Variants in MYOM2 observed in about 807,000 individuals in gnomAD.
MYOM2 encodes myomesin 2.
In MYOM2, 254 loss-of-function variants were observed where a neutral mutation model predicts 187.6. That is an observed-to-expected ratio of 1.35 (90% CI 1.22 to 1.50). MYOM2 has a LOEUF of 1.50. Ranked by LOEUF, MYOM2 falls within the 40% of genes most tolerant of loss-of-function variation. MYOM2 has a pLI of 0.00. For synonymous variants in MYOM2, 981 were observed against 753.8 expected, an observed-to-expected ratio of 1.30 and a Z score of -4.94; for missense variants, 2,796 against 1,924.0, an observed-to-expected ratio of 1.45 and a Z score of -8.48.
intron 21 of MYOM2, among the ~76,000 whole-genome samples, chr8:2,105,913 C>T (rs35878957): frequency 0.059 from 8,910 of 152,224 alleles, 348 homozygotes; most frequent in East Asian, 0.2. Context: ...GACTGACAGT[C>T]CTTCGTGGCT....
chr8:2,085,118 G>C, intron 13 of MYOM2, 145 bp from the exon 14 acceptor site: 1 of 901,472 alleles, frequency 1.1e-6, no homozygotes, highest in Admixed American at 2.8e-5. Context: ...TTCCAAGGAA[G>C]CATCTTTGGG....
At chr8:2,113,160 T>G (rs1008087315) in intron 25 of MYOM2, among the ~76,000 whole-genome samples, 2 of 152,212 alleles carry the variant, frequency 1.3e-5, no homozygotes, top group African/African-American at 4.8e-5. Flanking sequence ...CACACTCCCG[T>G]GATTCTACGG....
rs138478576 is a variant in MYOM2, at chr8:2,096,808, A to G, written c.2313+374A>G. On this transcript the variant is annotated intron_variant, in intron 18 of 36. Transcript: ENST00000262113. ...GGAGGGTCACGCTGAATGTCTGTTT[A>G]GGAAGAGAGTAATGTTGGCTCTCTG... Among the ~76,000 whole-genome samples the G allele has an allele frequency of 5.8e-4, 88 of 152,264 alleles. 1 individual carries two copies. The East Asian group carries it at 0.016, about 28-fold the overall frequency.
intron 1 of MYOM2, among the ~76,000 whole-genome samples, chr8:2,046,744 CTTTTTTCTTTTT>C (rs1013206176): frequency 3.3e-5 from 3 of 90,174 alleles, no homozygotes; most frequent in African/African-American, 9.2e-5. Context: ...CTCTCTCTTT[CTTTTTTCTTTTT>C]TTTTTTTTTG....
chr8:2,063,461 A>G (rs981669655), intron 6 of MYOM2, among the ~76,000 whole-genome samples: 9 of 152,342 alleles, frequency 5.9e-5, no homozygotes, highest in African/African-American at 1.9e-4. Context: ...AGATTTTCCC[A>G]TGGGACTCAT....
intron 34 of MYOM2, among the ~76,000 whole-genome samples, chr8:2,141,738 A>G (rs1798280079): frequency 6.6e-6 from 1 of 152,172 alleles, no homozygotes; most frequent in Non-Finnish European, 1.5e-5. Flanking sequence ...GTTTATGGCC[A>G]TGCTGACATT....
intron 3 of MYOM2, among the ~76,000 whole-genome samples, chr8:2,055,359 T>G (rs1373757359): frequency 6.6e-6 from 1 of 152,102 alleles, no homozygotes. Context: ...GGAGAGGCTC[T>G]GAGGGAGAGA....
intron 14 of MYOM2, 106 bp downstream of exon 14, chr8:2,085,496 C>CAGTCGTGA (rs1384891123): frequency 7.9e-7 from 1 of 1,262,706 alleles, no homozygotes; most frequent in African/African-American, 1.6e-5. Context: ...TGGCCCCTCA[C>CAGTCGTGA]TGTTGTGATC....
chr8:2,077,679 T>G (rs570779742), intron 11 of MYOM2, among the ~76,000 whole-genome samples: 63 of 152,276 alleles, frequency 4.1e-4, no homozygotes, highest in African/African-American at 1.4e-3. Context: ...TTTCCCGCCA[T>G]GTTGACAAAA....
chr8:2,054,482 C>T (rs1818592905), intron 3 of MYOM2, among the ~76,000 whole-genome samples: 1 of 152,156 alleles, frequency 6.6e-6, no homozygotes, highest in African/African-American at 2.4e-5. Context: ...CGTTACTGTG[C>T]ACACGTGGGC....
chr8:2,080,178 G>T (rs997308805), intron 13 of MYOM2, among the ~76,000 whole-genome samples: 1 of 152,154 alleles, frequency 6.6e-6, no homozygotes, highest in African/African-American at 2.4e-5. Context: ...GAAATCAAAA[G>T]GTTTTAACTG....
At position 2,059,396 on chromosome 8, in the gene MYOM2, C is replaced by G. The variant is rs551784640; in HGVS notation, c.653+151C>G. The G allele has an allele frequency of 5.5e-4, 351 of 632,934 alleles. 6 individuals are homozygous for G. Among genetic ancestry groups the G allele is most frequent in the South Asian group, 3.7e-3 (185 of 50,296 alleles). 39.2% of individuals were successfully genotyped at this position (632,934 alleles called of 1,614,324 possible). ...AAATAGCATTTATGAGTTAATGGTA[C>G]TGGTGTTGGAAGCTTCCCTTTGTTT... is the stretch of plus-strand genomic sequence containing the variant. On this transcript the variant is annotated intron_variant, in intron 6 of 36. Coordinates refer to ENST00000262113, the MANE Select transcript of MYOM2 (RefSeq NM_003970.4).
At chr8:2,126,689 A>T (rs935208855) in intron 31 of MYOM2, among the ~76,000 whole-genome samples, 4 of 75,616 alleles carry the variant, frequency 5.3e-5, no homozygotes, top group African/African-American at 2.1e-4. Context: ...GGGAGCACTG[A>T]GGGAGGCTGA....
intron 25 of MYOM2, among the ~76,000 whole-genome samples, chr8:2,112,379 A>G (rs1297043666): frequency 2.7e-5 from 3 of 111,412 alleles, no homozygotes; most frequent in Non-Finnish European, 5.2e-5. Context: ...GGTGTTAAGG[A>G]GGTAGAAATC....
chr8:2,056,466 G>C (rs543586960), intron 3 of MYOM2, among the ~76,000 whole-genome samples: 1 of 151,568 alleles, frequency 6.6e-6, no homozygotes, highest in Non-Finnish European at 1.5e-5. Context: ...GCCGTGTTGG[G>C]GTGCGATTTG....
At chr8:2,116,420 A>G in intron 27 of MYOM2, 145 bp downstream of exon 27, 1 of 731,028 alleles carries the variant, frequency 1.4e-6, no homozygotes, top group Non-Finnish European at 2.1e-6. Flanking sequence ...TACCAACTGC[A>G]TAGGAAAGGA....
intron 32 of MYOM2, among the ~76,000 whole-genome samples, chr8:2,138,319 C>A (rs537434476): frequency 6.6e-6 from 1 of 152,328 alleles, no homozygotes; most frequent in East Asian, 1.9e-4. Flanking sequence ...GCTTCCCTCT[C>A]CTGCTCCCCA....
intron 32 of MYOM2, among the ~76,000 whole-genome samples, chr8:2,129,719 G>T (rs1021723067): frequency 2.6e-5 from 4 of 152,110 alleles, no homozygotes; most frequent in Non-Finnish European, 4.4e-5. Flanking sequence ...TCTCTGGGTC[G>T]GTACGGATCA....
chr8:2,094,606 G>A lies in MYOM2; in HGVS notation c.2125+515G>A, dbSNP rs113298368. On this transcript the variant is annotated intron_variant, in intron 17 of 36. Transcript: ENST00000262113. ...GCGGAGTTTGCAGTGAGCCAAGATCGTGCCACTGTACTCCAGCCTGGGGGG... is the reference window on the plus strand; with the variant it reads ...GCGGAGTTTGCAGTGAGCCAAGATCATGCCACTGTACTCCAGCCTGGGGGG... Among the ~76,000 whole-genome samples the A allele has an allele frequency of 1.2e-3, 183 of 152,288 alleles. 1 individual carries two copies. The highest frequency in any genetic ancestry group is 3.6e-3 in the African/African-American group (151 of 41,572).
Sources: gnomAD v4.1 joint callset for allele counts (sites outside exome capture counted in the v4.1 genomes callset) on GRCh38, gnomAD v4.1.1 for gene constraint, MANE v1.5 for transcripts, NCBI Gene and HGNC (gene_info 2026-07-23, HGNC 2026-07-21) for gene names.